The following C1QTNF2 variants were observed in gnomAD, a reference collection of about 807,000 sequenced individuals.
C1QTNF2 encodes complement C1q tumor necrosis factor-related protein 2.
Under a neutral mutation model 17.4 loss-of-function variants are expected in C1QTNF2, and 15 were observed. The observed-to-expected ratio is 0.86, with a 90% CI of 0.58 to 1.33. C1QTNF2 has a LOEUF of 1.33. C1QTNF2 is among the 40% of genes most tolerant of loss of function. The pLI is 0.00. For synonymous variants in C1QTNF2, 154 were observed against 163.3 expected, an observed-to-expected ratio of 0.94 and a Z score of 0.44; for missense variants, 381 against 392.3, an observed-to-expected ratio of 0.97 and a Z score of 0.24.
chr5:160,360,058 G>A (rs1460153706), intron 1 of C1QTNF2, among the ~76,000 whole-genome samples: 2 of 151,936 alleles, frequency 1.3e-5, no homozygotes, highest in Non-Finnish European at 2.9e-5. Context: ...TTTATCTGCT[G>A]TATTTCAGTT....
At chr5:160,354,703 T>C (rs2113512456) in intron 2 of C1QTNF2, 65 bp downstream of exon 2, 1 of 1,591,006 alleles carries the variant, frequency 6.3e-7, no homozygotes, top group Non-Finnish European at 8.6e-7. Context: ...AACTTCATGA[T>C]GCCCCCCACA....
chr5:160,356,244 T>C (rs1478879195), intron 1 of C1QTNF2, among the ~76,000 whole-genome samples: 4 of 152,222 alleles, frequency 2.6e-5, no homozygotes, highest in Non-Finnish European at 5.9e-5. Flanking sequence ...CTTCCTGCCA[T>C]GGCGATTAAC....
At position 160,370,503 on chromosome 5, in the gene C1QTNF2, G is replaced by T. The variant is rs1764334723; in HGVS notation, c.-10+9C>A. On this transcript the variant is annotated intron_variant, in intron 1 of 2. Coordinates refer to ENST00000652664, the MANE Select transcript of C1QTNF2 (RefSeq NM_031908.6). ...CCGCCCCCGCCCGACCGCGGTGCGG[G>T]ACACTCACCCTCGCGGCTGCCCGCC... The T allele has an allele frequency of 6.8e-7, 1 of 1,469,018 alleles. No individual in the cohort carries two copies. 91.0% of individuals were successfully genotyped at this position (1,469,018 alleles called of 1,614,324 possible). A position where few individuals can be genotyped will look rare whatever the true frequency, so the allele number is the denominator to read the frequency against.
intron 1 of C1QTNF2, among the ~76,000 whole-genome samples, chr5:160,357,794 A>G (rs530927050): frequency 1.4e-4 from 21 of 152,002 alleles, no homozygotes; most frequent in Non-Finnish European, 2.9e-4. Context: ...AGACTGGCAG[A>G]AAAGAGAGCC....
intron 1 of C1QTNF2, among the ~76,000 whole-genome samples, chr5:160,357,364 G>A (rs1044514358): frequency 4.6e-5 from 7 of 152,208 alleles, no homozygotes; most frequent in African/African-American, 1.7e-4. Flanking sequence ...CAGTTTGATT[G>A]TATTTCTGAT....
chr5:160,355,206 T>C (rs1764025983), intron 1 of C1QTNF2, 186 bp from the exon 2 acceptor site: 1 of 984,150 alleles, frequency 1.0e-6, no homozygotes, highest in Non-Finnish European at 1.2e-6. Context: ...GAGGACATAT[T>C]TGGGTGAGTG....
At chr5:160,365,500 A>G (rs1764230470) in intron 1 of C1QTNF2, among the ~76,000 whole-genome samples, 1 of 151,986 alleles carries the variant, frequency 6.6e-6, no homozygotes, top group African/African-American at 2.4e-5. Context: ...TCACCTGAAG[A>G]CAGGAGTTCG....
chr5:160,357,365 T>C (rs1764070483), intron 1 of C1QTNF2, among the ~76,000 whole-genome samples: 1 of 152,190 alleles, frequency 6.6e-6, no homozygotes, highest in South Asian at 2.1e-4. Flanking sequence ...AGTTTGATTG[T>C]ATTTCTGATG....
intron 1 of C1QTNF2, among the ~76,000 whole-genome samples, chr5:160,360,304 A>C (rs1764129829): frequency 6.6e-6 from 1 of 152,230 alleles, no homozygotes; most frequent in Non-Finnish European, 1.5e-5. Flanking sequence ...AATGTTCAAG[A>C]AATATTTGCT....
intron 2 of C1QTNF2, among the ~76,000 whole-genome samples, chr5:160,352,291 T>C (rs1763939564): frequency 1.3e-5 from 2 of 152,224 alleles, no homozygotes; most frequent in African/African-American, 4.8e-5. Flanking sequence ...TATTATATAA[T>C]GTGCTTTCCT....
chr5:160,369,385 A>G (rs1764306607), intron 1 of C1QTNF2, among the ~76,000 whole-genome samples: 1 of 152,222 alleles, frequency 6.6e-6, no homozygotes, highest in Non-Finnish European at 1.5e-5. Flanking sequence ...GATGTGTTAC[A>G]ATGAAGGGCT....
chr5:160,352,371 A>G (rs1392761742), intron 2 of C1QTNF2, among the ~76,000 whole-genome samples: 1 of 152,072 alleles, frequency 6.6e-6, no homozygotes, highest in African/African-American at 2.4e-5. Context: ...CTGGAGGTGA[A>G]TTTGTATGTG....
intron 1 of C1QTNF2, among the ~76,000 whole-genome samples, chr5:160,364,510 T>C (rs1372527657): frequency 6.6e-6 from 1 of 152,190 alleles, no homozygotes; most frequent in East Asian, 1.9e-4. Flanking sequence ...AACAAGATAA[T>C]GGATGTTGAA....
intron 2 of C1QTNF2, among the ~76,000 whole-genome samples, chr5:160,353,370 A>G (rs958553360): frequency 3.3e-5 from 5 of 152,192 alleles, no homozygotes; most frequent in African/African-American, 1.2e-4. Flanking sequence ...AGGTCTGTAG[A>G]GTATATCCAT....
chr5:160,370,261 A>G (rs1007842799), intron 1 of C1QTNF2, among the ~76,000 whole-genome samples: 5 of 152,224 alleles, frequency 3.3e-5, no homozygotes, highest in East Asian at 1.9e-4. Context: ...GGGTGTTACT[A>G]TTGTAACGGG....
chr5:160,370,382 C>A (rs1561830322), intron 1 of C1QTNF2, 130 bp downstream of exon 1: 1 of 1,202,818 alleles, frequency 8.3e-7, no homozygotes, highest in Non-Finnish European at 1.1e-6. Flanking sequence ...CTGCCCAGCC[C>A]GCAATAAAGG....
At chr5:160,355,154 C>T in intron 1 of C1QTNF2, 134 bp from the exon 2 acceptor site, 1 of 1,414,510 alleles carries the variant, frequency 7.1e-7, no homozygotes, top group Non-Finnish European at 9.3e-7. Context: ...TTTCCTGCAT[C>T]ACATACAAGT....
In C1QTNF2 at chr5:160,367,997, A is replaced by G. The variant is rs115950110; in HGVS notation, c.-10+2515T>C. On this transcript the variant is annotated intron_variant, in intron 1 of 2. Coordinates refer to ENST00000652664, the MANE Select transcript of C1QTNF2 (RefSeq NM_031908.6). ...GCAGAAGAGAAAACAGAGCTCAGAA[A>G]AGGGAAAAATTACTTTTCCTAGGTC... Among the ~76,000 whole-genome samples, 566 of 152,314 alleles carry G rather than the reference A, an allele frequency of 3.7e-3. 3 individuals are homozygous for G. Among genetic ancestry groups the G allele is most frequent in the African/African-American group, 0.013 (546 of 41,572 alleles).
rs200777932 is a variant in C1QTNF2 at position 160,353,788 on chromosome 5, CTTTTTTTTTTTTTTTTTTTTT to C, written c.244+959_244+979del. On this transcript the variant is annotated intron_variant, in intron 2 of 2. Coordinates refer to ENST00000652664, the MANE Select transcript of C1QTNF2 (RefSeq NM_031908.6). ...GAGCTTGGCTCTTGGACTTCTCAGG[CTTTTTTTTTTTTTTTTTTTTT>C]TTTTTTTTTTTTGAGACACTGTCCT... Among the ~76,000 whole-genome samples, 26 of 85,966 alleles carry C rather than the reference CTTTTTTTTTTTTTTTTTTTTT, an allele frequency of 3.0e-4. 1 individual carries two copies. The highest frequency in any genetic ancestry group is 4.1e-4 in the South Asian group (1 of 2,464). The allele number at this position is 85,966 out of a possible 152,430, so 56.4% of individuals were successfully genotyped here. A position where few individuals can be genotyped will look rare whatever the true frequency, so the allele number is the denominator to read the frequency against.
Sources: allele counts gnomAD v4.1 joint callset (sites outside exome capture counted in the v4.1 genomes callset), GRCh38; gene constraint gnomAD v4.1.1; transcripts MANE v1.5; gene names NCBI Gene and HGNC (gene_info 2026-07-23, HGNC 2026-07-21).